The following JAK1 variants were observed in gnomAD, a reference collection of about 807,000 sequenced individuals.
JAK1 encodes the protein Janus kinase 1, also known as tyrosine-protein kinase JAK1.
Under a neutral mutation model 136.6 loss-of-function variants are expected in JAK1, and 16 were observed. The observed-to-expected ratio is 0.12, with a 90% CI of 0.08 to 0.18. The LOEUF (loss-of-function observed/expected upper bound fraction) is 0.18, where lower values mean the gene tolerates loss of function less well. JAK1 is among the 10% of genes least tolerant of loss of function. JAK1 has a pLI of 1.00. For synonymous variants in JAK1, 492 were observed against 519.5 expected, an observed-to-expected ratio of 0.95 and a Z score of 0.72; for missense variants, 859 against 1,450.1, an observed-to-expected ratio of 0.59 and a Z score of 6.62.
chr1:64,894,454 G>A (rs1644983688), intron 1 of JAK1, among the ~76,000 whole-genome samples: 2 of 152,070 alleles, frequency 1.3e-5, no homozygotes, highest in Admixed American at 6.6e-5. Flanking sequence ...ATGTAAGTTA[G>A]GAGAGAAAAC....
intron 1 of JAK1, among the ~76,000 whole-genome samples, chr1:64,922,698 G>A (rs1044760527): frequency 5.3e-5 from 8 of 152,088 alleles, no homozygotes; most frequent in Middle Eastern, 3.4e-3. Flanking sequence ...TCCAAGTCTC[G>A]GCCAAATGAG....
Position 64,984,405 on chromosome 1 carries a change from C to G in JAK1, c.-78+60075G>C, listed in dbSNP as rs568634857. Among the ~76,000 whole-genome samples, 26 of 152,128 alleles carry G rather than the reference C, an allele frequency of 1.7e-4. No homozygotes were observed. Among genetic ancestry groups the G allele is most frequent in the Non-Finnish European group, 2.8e-4 (19 of 68,026 alleles). The stretch of plus-strand genomic sequence containing the variant: ...GAAATGAAGGGTAGGTTCACTTGGT[C>G]TCTCCTACGCAGAAGAGAATGTCCA... On this transcript the variant is annotated intron_variant, in intron 2 of 25. Coordinates refer to the JAK1 transcript ENST00000671954. The surrounding 1 kb of genome is among the most constrained non-coding windows in gnomAD (Gnocchi z 4.1).
intron 1 of JAK1, among the ~76,000 whole-genome samples, chr1:65,062,523 C>T (rs1212633846): frequency 6.6e-6 from 1 of 152,198 alleles, no homozygotes; most frequent in Non-Finnish European, 1.5e-5. Context: ...CAATGACCTC[C>T]AATTCTACAG....
chr1:64,847,461 T>C, intron 13 of JAK1, 71 bp downstream of exon 13: 1 of 1,570,690 alleles, frequency 6.4e-7, no homozygotes, highest in Non-Finnish European at 8.7e-7. Context: ...AGGGTTCTTC[T>C]CAACCCATTG....
intron 2 of JAK1, chr1:64,985,254 T>G: frequency 6.2e-7 from 1 of 1,606,244 alleles, no homozygotes; most frequent in Non-Finnish European, 8.5e-7. Flanking sequence ...TACAGAGAGC[T>G]GCTGAGAGAG....
chr1:64,876,536 T>C (rs1339305635), intron 4 of JAK1: 1 of 152,204 alleles, frequency 6.6e-6, no homozygotes, highest in East Asian at 1.9e-4. Flanking sequence ...CTTAATAAGA[T>C]GTCAAAAATA....
At chr1:65,064,260 C>T (rs1282611744) in intron 1 of JAK1, among the ~76,000 whole-genome samples, 2 of 152,290 alleles carry the variant, frequency 1.3e-5, no homozygotes, top group African/African-American at 4.8e-5. Context: ...AAATTGAGCT[C>T]TTCCTCACCC....
At chr1:64,931,343 G>A (rs1165996795) in intron 1 of JAK1, among the ~76,000 whole-genome samples, 7 of 152,020 alleles carry the variant, frequency 4.6e-5, no homozygotes, top group South Asian at 2.1e-4. Context: ...ACTCCATGCA[G>A]ACTACAACTC....
intron 17 of JAK1, among the ~76,000 whole-genome samples, chr1:64,843,068 C>T (rs1655008698): frequency 6.6e-6 from 1 of 152,182 alleles, no homozygotes; most frequent in Admixed American, 6.5e-5. Flanking sequence ...CCCCTCCCTC[C>T]TCCACCCAAA....
At chr1:65,023,347 C>T (rs924520739) in intron 2 of JAK1, among the ~76,000 whole-genome samples, 1 of 152,168 alleles carries the variant, frequency 6.6e-6, no homozygotes, top group Non-Finnish European at 1.5e-5. Flanking sequence ...CCTCCCACCT[C>T]AGCCTCCTGA....
intron 3 of JAK1, among the ~76,000 whole-genome samples, chr1:64,879,552 T>C (rs1462451411): frequency 1.3e-5 from 2 of 152,204 alleles, no homozygotes; most frequent in African/African-American, 4.8e-5. Context: ...AAATCTTCCA[T>C]CTGTTTCCTA....
At chr1:65,032,122 C>A (rs1006176250) in intron 2 of JAK1, among the ~76,000 whole-genome samples, 2 of 152,050 alleles carry the variant, frequency 1.3e-5, no homozygotes, top group Admixed American at 1.3e-4. Context: ...CGCACCACCA[C>A]GCCCAGCTAA....
At chr1:64,837,045 C>T (rs759819686) in intron 22 of JAK1, among the ~76,000 whole-genome samples, 4 of 152,180 alleles carry the variant, frequency 2.6e-5, no homozygotes, top group African/African-American at 9.7e-5. Flanking sequence ...TTCCTAGTCA[C>T]GCATGCTGTC....
intron 1 of JAK1, among the ~76,000 whole-genome samples, chr1:64,919,513 T>G (rs571111787): frequency 6.6e-6 from 1 of 152,190 alleles, no homozygotes; most frequent in Non-Finnish European, 1.5e-5. Flanking sequence ...ATGATTTATA[T>G]TCCTTTGGGT....
chr1:65,000,584 C>T (rs1463149031), intron 2 of JAK1, among the ~76,000 whole-genome samples: 1 of 151,634 alleles, frequency 6.6e-6, no homozygotes, highest in Non-Finnish European at 1.5e-5. Flanking sequence ...TTAAGTTATT[C>T]AATAGGGCTT....
intron 2 of JAK1, among the ~76,000 whole-genome samples, chr1:64,994,633 C>T (rs1199071763): frequency 6.6e-6 from 1 of 152,158 alleles, no homozygotes; most frequent in Non-Finnish European, 1.5e-5. Flanking sequence ...GATTAGGCTC[C>T]ATTTCCCAAC....
intron 1 of JAK1, among the ~76,000 whole-genome samples, chr1:64,930,038 G>T (rs1271985313): frequency 1.3e-5 from 2 of 152,048 alleles, no homozygotes; most frequent in Non-Finnish European, 2.9e-5. Context: ...AACTCAAGAC[G>T]GATTAAAGAC....
At chr1:64,926,086 C>G (rs1332415077) in intron 1 of JAK1, among the ~76,000 whole-genome samples, 1 of 152,172 alleles carries the variant, frequency 6.6e-6, no homozygotes, top group Non-Finnish European at 1.5e-5. Context: ...CAAATTAGAT[C>G]TTTAAACCAA....
intron 1 of JAK1, among the ~76,000 whole-genome samples, chr1:65,047,023 G>A (rs761585569): frequency 3.6e-4 from 54 of 150,908 alleles, no homozygotes; most frequent in Non-Finnish European, 6.2e-4. Context: ...AGATCCCATC[G>A]CTATAGGAAA....
Sources: allele counts gnomAD v4.1 joint callset (sites outside exome capture counted in the v4.1 genomes callset), GRCh38; gene constraint gnomAD v4.1.1; non-coding constraint Gnocchi (gnomAD v3.1); transcripts MANE v1.5; gene names NCBI Gene and HGNC (gene_info 2026-07-23, HGNC 2026-07-21).